The following TUSC3 variants were observed in gnomAD, a reference collection of about 807,000 sequenced individuals.
TUSC3 encodes the protein dolichyl-diphosphooligosaccharide--protein glycosyltransferase subunit TUSC3.
A neutral mutation model predicts 44.8 loss-of-function variants in TUSC3; 45 were observed. The observed-to-expected ratio is 1.00, with a 90% CI of 0.79 to 1.29. The LOEUF (loss-of-function observed/expected upper bound fraction) is 1.29, where lower values mean the gene tolerates loss of function less well. Ranked by LOEUF, TUSC3 falls within the 50% of genes most tolerant of loss-of-function variation. The probability of loss-of-function intolerance (pLI) is 0.00; values close to 1 mark genes in which losing one functional copy is unlikely to be tolerated. For missense variants in TUSC3, 519 were observed against 437.9 expected, an observed-to-expected ratio of 1.19 and a Z score of -1.65; for synonymous variants, 212 against 152.9, an observed-to-expected ratio of 1.39 and a Z score of -2.85.
At chr8:15,423,320 G>T (rs1025993918) in intron 1 of TUSC3, among the ~76,000 whole-genome samples, 1 of 152,034 alleles carries the variant, frequency 6.6e-6, no homozygotes, top group African/African-American at 2.4e-5. Flanking sequence ...GTAGGATTTG[G>T]TTTGATCAAT....
At chr8:15,509,003 C>A (rs750638199) in intron 2 of TUSC3, among the ~76,000 whole-genome samples, 38 of 151,990 alleles carry the variant, frequency 2.5e-4, no homozygotes, top group Middle Eastern at 3.4e-3. Flanking sequence ...AGTTATAATT[C>A]AAGATAAGAT....
At chr8:15,573,218 A>ATG (rs1554516685) in intron 1 of TUSC3, among the ~76,000 whole-genome samples, 9 of 139,468 alleles carry the variant, frequency 6.5e-5, no homozygotes, top group Non-Finnish European at 1.2e-4. Context: ...ATATATATAT[A>ATG]TATATATATA....
intron 6 of TUSC3, among the ~76,000 whole-genome samples, chr8:15,689,812 A>G (rs1808815690): frequency 1.4e-5 from 2 of 146,358 alleles, no homozygotes; most frequent in African/African-American, 2.6e-5. Flanking sequence ...TGGCTGCTTA[A>G]TAGTCCATGG....
intron 1 of TUSC3, among the ~76,000 whole-genome samples, chr8:15,591,547 A>G (rs977542055): frequency 5.3e-5 from 8 of 152,252 alleles, no homozygotes; most frequent in African/African-American, 1.9e-4. Context: ...GTATCAAGCG[A>G]GTAAGCATAC....
At chr8:15,684,262 AAG>A (rs1451253747) in intron 6 of TUSC3, among the ~76,000 whole-genome samples, 1 of 152,058 alleles carries the variant, frequency 6.6e-6, no homozygotes, top group African/African-American at 2.4e-5. Context: ...AGAGCAGTCC[AAG>A]AGAGTCACAA....
rs1206279666 is a variant in TUSC3, at chr8:15,720,233, C to CAG, written c.799-10427_799-10426dup. Among the ~76,000 whole-genome samples the CAG allele has an allele frequency of 2.3e-4, 34 of 147,322 alleles. 1 individual carries two copies. Among genetic ancestry groups the CAG allele is most frequent in the East Asian group, 2.0e-3 (10 of 4,934 alleles). On this transcript the variant is annotated intron_variant, in intron 6 of 10. Coordinates refer to ENST00000503731, the MANE Select transcript of TUSC3 (RefSeq NM_006765.4). ...ACACACACACACACACACACACACA[C>CAG]AGAGAGAACATTTCTCATATACCTT...
the TUSC3 span, among the ~76,000 whole-genome samples, chr8:15,843,596 A>AAG: frequency 0.41 from 54,863 of 135,082 alleles, 12,588 homozygotes; most frequent in African/African-American, 0.63. Flanking sequence ...TGATGTACAT[A>AAG]TATATATATA....
chr8:15,466,302 T>C (rs1293276839), intron 1 of TUSC3, among the ~76,000 whole-genome samples: 1 of 152,182 alleles, frequency 6.6e-6, no homozygotes, highest in African/African-American at 2.4e-5. Context: ...ACCTTGTGAA[T>C]TTCTTTGGCA....
chr8:15,445,924 C>T (rs917522911), intron 1 of TUSC3, among the ~76,000 whole-genome samples: 18 of 150,352 alleles, frequency 1.2e-4, no homozygotes, highest in African/African-American at 3.4e-4. Context: ...CCCCACCTTC[C>T]GGACGGGGCG....
At chr8:15,528,072 T>C (rs903879951) in intron 2 of TUSC3, among the ~76,000 whole-genome samples, 7 of 152,184 alleles carry the variant, frequency 4.6e-5, no homozygotes, top group Admixed American at 2.6e-4. Context: ...TGATGAACTC[T>C]TACAGGAAAC....
intron 9 of TUSC3, among the ~76,000 whole-genome samples, chr8:15,751,613 C>G (rs944160811): frequency 6.6e-6 from 1 of 152,132 alleles, no homozygotes; most frequent in Non-Finnish European, 1.5e-5. Context: ...TGGAGGTGTT[C>G]AAAGAGCTCA....
intron 8 of TUSC3, among the ~76,000 whole-genome samples, chr8:15,745,075 G>T (rs1176858637): frequency 6.6e-6 from 1 of 151,832 alleles, no homozygotes; most frequent in Non-Finnish European, 1.5e-5. Flanking sequence ...ATTCACTTAG[G>T]ATAATGGCCT....
intron 8 of TUSC3, among the ~76,000 whole-genome samples, chr8:15,747,427 T>C (rs895680693): frequency 2.6e-5 from 4 of 151,294 alleles, no homozygotes; most frequent in African/African-American, 7.2e-5. Context: ...CACTAATTTC[T>C]ACTTATATAT....
intron 1 of TUSC3, among the ~76,000 whole-genome samples, chr8:15,434,998 G>A (rs376158144): frequency 1.3e-5 from 2 of 148,636 alleles, no homozygotes; most frequent in Admixed American, 6.7e-5. Context: ...GTAAACATAC[G>A]TGTGCATGTG....
the TUSC3 span, among the ~76,000 whole-genome samples, chr8:15,810,536 G>T: frequency 3.3e-5 from 5 of 152,170 alleles, no homozygotes; most frequent in South Asian, 1.0e-3. Flanking sequence ...TACTTGGGAG[G>T]CTGAGGTGGG....
chr8:15,736,348 A>T (rs1810936694), intron 7 of TUSC3, among the ~76,000 whole-genome samples: 1 of 152,240 alleles, frequency 6.6e-6, no homozygotes, highest in Non-Finnish European at 1.5e-5. Context: ...GTGGAATATC[A>T]TGAAGTGAAA....
At chr8:15,741,954 T>A (rs1811218342) in intron 7 of TUSC3, among the ~76,000 whole-genome samples, 1 of 152,168 alleles carries the variant, frequency 6.6e-6, no homozygotes. Context: ...AAGTTTTTAA[T>A]TTTTATCATG....
intron 1 of TUSC3, among the ~76,000 whole-genome samples, chr8:15,457,989 G>T (rs1800283667): frequency 6.6e-6 from 1 of 151,576 alleles, no homozygotes; most frequent in Non-Finnish European, 1.5e-5. Flanking sequence ...ATAAACACAT[G>T]CAACATAATG....
At chr8:15,752,872 C>T (rs997199418) in intron 9 of TUSC3, among the ~76,000 whole-genome samples, 1 of 151,964 alleles carries the variant, frequency 6.6e-6, no homozygotes, top group Admixed American at 6.6e-5. Flanking sequence ...TAATAACTTA[C>T]TTTGGCCTCT....
Sources: allele counts gnomAD v4.1 joint callset (sites outside exome capture counted in the v4.1 genomes callset), GRCh38; gene constraint gnomAD v4.1.1; transcripts MANE v1.5; gene names NCBI Gene and HGNC (gene_info 2026-07-23, HGNC 2026-07-21).